Variants in SEMA3A observed in about 807,000 individuals in gnomAD.
SEMA3A encodes the protein semaphorin 3A.
A neutral mutation model predicts 97.9 loss-of-function variants in SEMA3A; 29 were observed. The observed-to-expected ratio is 0.30, with a 90% CI of 0.22 to 0.40. The LOEUF is 0.40. SEMA3A is among the 10% of genes least tolerant of loss of function. The pLI, the probability that SEMA3A is intolerant of heterozygous loss-of-function variation, is 1.00. For synonymous variants in SEMA3A, 321 were observed against 323.7 expected, an observed-to-expected ratio of 0.99 and a Z score of 0.09; for missense variants, 763 against 951.3, an observed-to-expected ratio of 0.80 and a Z score of 2.60.
In SEMA3A at chr7:84,228,966, T is replaced by G. The variant is rs533117189; in HGVS notation, c.-82-34298A>C. 2.6e-5 allele frequency among the ~76,000 whole-genome samples: 4 copies of G among 152,198 alleles called. No homozygotes were observed. The South Asian group carries it at 8.3e-4, about 32-fold the overall frequency. On this transcript the variant is annotated intron_variant, in intron 3 of 3. Transcript: ENST00000424555. The stretch of plus-strand genomic sequence containing the variant: ...AAACTTGCCTCAAATTAACCATTTT[T>G]AGTGTGCCAGCTGTTTTCTTCCAGA...
chr7:84,227,068 T>C (rs762955473), intron 3 of SEMA3A, among the ~76,000 whole-genome samples: 12 of 152,098 alleles, frequency 7.9e-5, no homozygotes, highest in Non-Finnish European at 1.6e-4. Context: ...ATGAACTGCA[T>C]AGGTTACAGT....
At chr7:83,984,567 T>C (rs2535786) in intron 13 of SEMA3A, among the ~76,000 whole-genome samples, 117,543 of 148,168 alleles carry the variant, frequency 0.79, 46,906 homozygotes, top group East Asian at 0.89. Context: ...GTTTTTACTC[T>C]AGTAAGTGAG....
intron 15 of SEMA3A, among the ~76,000 whole-genome samples, chr7:83,970,451 T>C (rs1265435350): frequency 6.6e-6 from 1 of 152,102 alleles, no homozygotes; most frequent in Non-Finnish European, 1.5e-5. Flanking sequence ...ATTTCAGCTT[T>C]CTATTTATTC....
intron 4 of SEMA3A, among the ~76,000 whole-genome samples, chr7:84,071,789 G>A (rs1244048786): frequency 3.3e-5 from 5 of 152,110 alleles, no homozygotes; most frequent in Admixed American, 2.6e-4. Context: ...ACAAATCTAA[G>A]TACATTTCTT....
chr7:84,092,448 T>A (rs1424176710), intron 4 of SEMA3A, among the ~76,000 whole-genome samples: 1 of 152,098 alleles, frequency 6.6e-6, no homozygotes, highest in Non-Finnish European at 1.5e-5. Flanking sequence ...CCGCTGAACA[T>A]CACAACACTT....
intron 3 of SEMA3A, among the ~76,000 whole-genome samples, chr7:84,202,777 G>C (rs1298117043): frequency 2.6e-5 from 4 of 152,048 alleles, no homozygotes; most frequent in African/African-American, 7.2e-5. Flanking sequence ...ACTAATCACA[G>C]GTTATTTTTT....
At chr7:84,342,863 T>C (rs1802203891) in intron 2 of SEMA3A, among the ~76,000 whole-genome samples, 2 of 152,158 alleles carry the variant, frequency 1.3e-5, no homozygotes, top group Admixed American at 1.3e-4. Flanking sequence ...AGCAAGCACA[T>C]GAATGGCAAA....
At chr7:84,380,004 T>C (rs1340671028) in intron 1 of SEMA3A, among the ~76,000 whole-genome samples, 1 of 152,200 alleles carries the variant, frequency 6.6e-6, no homozygotes, top group African/African-American at 2.4e-5. Flanking sequence ...GAGTTTAGCA[T>C]ATTGGACTTT....
rs1792343470 is a variant in SEMA3A at position 84,046,252 on chromosome 7, G to A, written c.667+72C>T. The A allele has an allele frequency of 1.0e-5, 16 of 1,555,648 alleles. No homozygotes were observed. The East Asian group carries it at 3.4e-4, about 33-fold the overall frequency. On this transcript the variant is annotated intron_variant, in intron 6 of 16. Transcript: ENST00000265362. ...AATTTCAAGTCATATTGCATGTACT[G>A]TAAAAGAGTTCTCTAGTAACTTAAT...
chr7:84,243,382 TA>T, intron 3 of SEMA3A, among the ~76,000 whole-genome samples: 1 of 152,346 alleles, frequency 6.6e-6, no homozygotes, highest in East Asian at 1.9e-4. Flanking sequence ...TGGGTGGGTG[TA>T]TTTGTCCAGG....
intron 1 of SEMA3A, among the ~76,000 whole-genome samples, chr7:84,167,134 G>T (rs1797238786): frequency 1.3e-5 from 1 of 75,364 alleles, no homozygotes; most frequent in South Asian, 3.5e-4. Flanking sequence ...AATCATTGCA[G>T]AGGAAAAAAT....
chr7:84,372,726 A>G (rs1294288388), intron 1 of SEMA3A, among the ~76,000 whole-genome samples: 1 of 152,168 alleles, frequency 6.6e-6, no homozygotes, highest in African/African-American at 2.4e-5. Flanking sequence ...CCCCGTGACC[A>G]AATAATTAAA....
intron 1 of SEMA3A, among the ~76,000 whole-genome samples, chr7:84,161,717 G>T (rs1350902869): frequency 6.6e-6 from 1 of 152,066 alleles, no homozygotes; most frequent in African/African-American, 2.4e-5. Flanking sequence ...GACACAGGAG[G>T]GGGTCACTCA....
Position 84,321,566 on chromosome 7 carries a change from AG to A in SEMA3A, c.-168-14275del, listed in dbSNP as rs552684923. 1.9e-4 allele frequency among the ~76,000 whole-genome samples: 29 copies of A among 152,242 alleles called. No individual in the cohort carries two copies. The East Asian group carries it at 5.2e-3, about 27-fold the overall frequency. On this transcript the variant is annotated intron_variant, in intron 2 of 3. Transcript: ENST00000424555. ...AATGATACTAATACATAGCAATACT[AG>A]GTACTAGTCCATTTTCATATTGCTA...
intron 1 of SEMA3A, among the ~76,000 whole-genome samples, chr7:84,426,117 T>C (rs1298512987): frequency 6.6e-6 from 1 of 151,874 alleles, no homozygotes; most frequent in Non-Finnish European, 1.5e-5. Context: ...AAACTACATA[T>C]TGGGTAAAAT....
intron 4 of SEMA3A, among the ~76,000 whole-genome samples, chr7:84,086,182 T>C (rs1794333739): frequency 6.6e-6 from 1 of 151,956 alleles, no homozygotes. Context: ...ACTACTGCTG[T>C]CAACCTTTGC....
At chr7:84,412,279 C>T (rs1804291371) in intron 1 of SEMA3A, among the ~76,000 whole-genome samples, 1 of 152,120 alleles carries the variant, frequency 6.6e-6, no homozygotes, top group Non-Finnish European at 1.5e-5. Context: ...AATTGCACAG[C>T]ACATTCTTCT....
At chr7:84,405,788 C>T (rs528430891) in intron 1 of SEMA3A, among the ~76,000 whole-genome samples, 1 of 152,300 alleles carries the variant, frequency 6.6e-6, no homozygotes, top group Admixed American at 6.5e-5. Flanking sequence ...CAACATGCTC[C>T]TGAATGACTA....
At chr7:84,463,437 A>G (rs1458162444) in intron 1 of SEMA3A, among the ~76,000 whole-genome samples, 2 of 151,526 alleles carry the variant, frequency 1.3e-5, no homozygotes, top group East Asian at 3.9e-4. Flanking sequence ...TTTAGTAGAG[A>G]CGGGGTTTCA....
Sources: allele counts gnomAD v4.1 joint callset (sites outside exome capture counted in the v4.1 genomes callset), GRCh38; gene constraint gnomAD v4.1.1; transcripts MANE v1.5; gene names NCBI Gene and HGNC (gene_info 2026-07-23, HGNC 2026-07-21).